ATP10A: variants seen among roughly 807,000 people sequenced by gnomAD.
The protein encoded by ATP10A is phospholipid-transporting ATPase VA.
A neutral mutation model predicts 147.8 loss-of-function variants in ATP10A; 111 were observed. That is an observed-to-expected ratio of 0.75 (90% confidence interval 0.64 to 0.88). The LOEUF is 0.88. Among genes scored for constraint, ATP10A ranks in the 40% least tolerant of loss-of-function variants. ATP10A has a pLI of 0.00. For missense variants in ATP10A, 1,927 were observed against 1,959.0 expected (o/e 0.98, Z 0.31); for synonymous variants, 875 against 841.6 (o/e 1.04, Z -0.69).
At position 25,714,142 on chromosome 15, in the gene ATP10A, C is replaced by A. The variant is rs926490959; in HGVS notation, c.1876G>T (p.Gly626Trp). The A allele has an allele frequency of 1.7e-5, 27 of 1,611,694 alleles. No homozygotes were observed. Among genetic ancestry groups the A allele is most frequent in the Non-Finnish European group, 2.3e-5 (27 of 1,180,030 alleles). The change falls in exon 10 of 21, where the codon GGG becomes TGG. Residue 626 changes from glycine (G) to tryptophan (W), a missense_variant. By Grantham distance (184) the Gly-to-Trp change is radical (BLOSUM62 -2). Transcript: ENST00000555815. ...SCLTSGCSSIGSLAANKSSHK... is the reference protein window; with the variant it reads ...SCLTSGCSSIWSLAANKSSHK... The stretch of plus-strand genomic sequence containing the variant: ...CTGGACTTGTTGGCGGCCAGGCTCC[C>A]GATGCTGCTGCAGCCTGAGGTCAGG...
chr15:25,718,302 G>T lies in ATP10A; in HGVS notation c.1461C>A (p.His487Gln). 1.2e-6 allele frequency: 2 copies of T among 1,611,668 alleles called. No individual in the cohort carries two copies. The highest frequency in any genetic ancestry group is 1.1e-5 in the South Asian group (1 of 91,006). ...SVSQRGSIGS[H>Q]QSVRVVHRTQ... is the part of the protein sequence containing the mutation. ...TTCTGTGCACCACCCGGACACTCTG[G>T]TGGCTGCCGATGCTGCCGCGCTGGG... Residue 487 changes from histidine to glutamine, a missense_variant, in exon 8 of 21, where the codon CAC (histidine) becomes CAA (glutamine). By Grantham distance (24) the His-to-Gln change is conservative. Transcript: ENST00000555815.
Position 25,727,148 on chromosome 15 carries a change from G to A in ATP10A, c.847+12C>T. 6.2e-7 allele frequency: 1 copy of A among 1,605,040 alleles called. No homozygotes were observed. The highest frequency in any genetic ancestry group is 8.5e-7 in the Non-Finnish European group (1 of 1,171,692). ...TGTCTGGCGGCAGGTGGTGCCAGGT[G>A]CCCGAGCCTACCTGCGTAGATGACA... On this transcript the variant is annotated intron_variant, in intron 4 of 20. Coordinates refer to ENST00000555815, the MANE Select transcript of ATP10A (RefSeq NM_024490.4).
chr15:25,843,242 G>A (rs968859113), intron 1 of ATP10A, among the ~76,000 whole-genome samples: 4 of 6,990 alleles, frequency 5.7e-4, no homozygotes, highest in Non-Finnish European at 9.9e-4. Flanking sequence ...CACCCCCACC[G>A]TCCCGGGGTG....
intron 1 of ATP10A, among the ~76,000 whole-genome samples, chr15:25,847,445 T>C (rs1398840509): frequency 6.6e-6 from 1 of 152,100 alleles, no homozygotes; most frequent in African/African-American, 2.4e-5. Flanking sequence ...TATATGGTGC[T>C]AGAGAAATAC....
chr15:25,698,103 A>C (rs528258820), intron 13 of ATP10A, among the ~76,000 whole-genome samples: 16 of 152,332 alleles, frequency 1.1e-4, no homozygotes, highest in African/African-American at 3.8e-4. Context: ...CAGAACAAAA[A>C]AAGGACACTA....
intron 1 of ATP10A, among the ~76,000 whole-genome samples, chr15:25,860,899 A>G (rs1487268515): frequency 6.6e-6 from 1 of 152,240 alleles, no homozygotes; most frequent in Non-Finnish European, 1.5e-5. Context: ...ATTTCTAAAA[A>G]GGAGGCTACA....
At chr15:25,835,123 G>T (rs757337822) in intron 1 of ATP10A, among the ~76,000 whole-genome samples, 17 of 152,054 alleles carry the variant, frequency 1.1e-4, no homozygotes, top group Non-Finnish European at 2.2e-4. Flanking sequence ...ACAAAAATTA[G>T]CTGGGCATGA....
At chr15:25,803,632 C>T (rs772203640) in intron 1 of ATP10A, among the ~76,000 whole-genome samples, 25 of 152,208 alleles carry the variant, frequency 1.6e-4, no homozygotes, top group Non-Finnish European at 2.6e-4. Flanking sequence ...GTTCTACACA[C>T]GTATACATTC....
At chr15:25,722,881 G>C (rs775484853) in intron 6 of ATP10A, among the ~76,000 whole-genome samples, 1 of 152,192 alleles carries the variant, frequency 6.6e-6, no homozygotes, top group African/African-American at 2.4e-5. Flanking sequence ...TCTGGGCATA[G>C]ATAGCCAGGC....
At chr15:25,759,019 C>A (rs994785294) in intron 2 of ATP10A, among the ~76,000 whole-genome samples, 2 of 152,224 alleles carry the variant, frequency 1.3e-5, no homozygotes, top group African/African-American at 2.4e-5. Context: ...TTAGCCTGTG[C>A]GATCTAACCC....
chr15:25,770,658 G>C (rs992364128), intron 2 of ATP10A, among the ~76,000 whole-genome samples: 1 of 152,142 alleles, frequency 6.6e-6, no homozygotes, highest in African/African-American at 2.4e-5. Context: ...CAGAGGTGGA[G>C]CCAGGCAACA....
At chr15:25,788,276 C>T (rs749566203) in intron 1 of ATP10A, among the ~76,000 whole-genome samples, 2 of 152,236 alleles carry the variant, frequency 1.3e-5, no homozygotes, top group Non-Finnish European at 2.9e-5. Context: ...CACAAAGCCA[C>T]GGTGCACACA....
chr15:25,716,865 G>A lies in ATP10A; in HGVS notation c.1641C>T (p.Ser547=), dbSNP rs746034788. The change falls in exon 9 of 21, where the codon AGC becomes AGT. Residue 547 remains serine (S), a synonymous_variant. Coordinates refer to ENST00000555815, the MANE Select transcript of ATP10A (RefSeq NM_024490.4). ...LLEKVSECDK[S]LAVARHQEHL... ...GCTCCTGATGCCTCGCCACGGCTAG[G>A]CTCTTGTCACACTCACTCACCTTCT... The A allele has an allele frequency of 6.2e-7, 1 of 1,608,568 alleles. No individual in the cohort carries two copies. Among genetic ancestry groups the A allele is most frequent in the East Asian group, 2.3e-5 (1 of 44,248 alleles).
chr15:25,683,806 G>A (rs1018056385), intron 16 of ATP10A: 3 of 357,474 alleles, frequency 8.4e-6, no homozygotes, highest in Non-Finnish European at 1.6e-5. Context: ...ACAAAATCAA[G>A]GTTTCACAGG....
At chr15:25,826,147 A>T (rs1355916523) in intron 1 of ATP10A, among the ~76,000 whole-genome samples, 2 of 152,220 alleles carry the variant, frequency 1.3e-5, no homozygotes, top group African/African-American at 4.8e-5. Flanking sequence ...ACAGAAAAAA[A>T]ATGAAGAAAT....
downstream of ATP10A, among the ~76,000 whole-genome samples, chr15:25,676,645 C>T (rs1040870625): frequency 4.6e-5 from 7 of 152,110 alleles, no homozygotes; most frequent in Admixed American, 1.3e-4. Flanking sequence ...ATCACTTGGG[C>T]GATTCTCATG....
At chr15:25,730,671 C>T (rs1166411466) in intron 3 of ATP10A, among the ~76,000 whole-genome samples, 5 of 152,136 alleles carry the variant, frequency 3.3e-5, no homozygotes, top group Non-Finnish European at 7.4e-5. Flanking sequence ...TCCTGACTGA[C>T]ATAAGTTGGG....
At chr15:25,703,896 G>A (rs1900817857) in intron 12 of ATP10A, among the ~76,000 whole-genome samples, 1 of 152,192 alleles carries the variant, frequency 6.6e-6, no homozygotes, top group African/African-American at 2.4e-5. Flanking sequence ...AAAGGAGGAG[G>A]GAACATTGCA....
chr15:25,790,141 C>T (rs1370244879), intron 1 of ATP10A, among the ~76,000 whole-genome samples: 3 of 152,148 alleles, frequency 2.0e-5, no homozygotes, highest in Non-Finnish European at 4.4e-5. Context: ...TAAACTGAAA[C>T]ATCTGCTCCT....
Sources: allele counts gnomAD v4.1 joint callset (sites outside exome capture counted in the v4.1 genomes callset), GRCh38; gene constraint gnomAD v4.1.1; transcripts MANE v1.5; gene names NCBI Gene and HGNC (gene_info 2026-07-23, HGNC 2026-07-21).